TBC1D32: variants seen among roughly 807,000 people sequenced by gnomAD.
The protein encoded by TBC1D32 is TBC1 domain family member 32, also known as protein broad-minded.
Under a neutral mutation model 170.3 loss-of-function variants are expected in TBC1D32, and 151 were observed. The observed-to-expected ratio is 0.89, with a 90% CI of 0.78 to 1.01. The LOEUF is 1.01. TBC1D32 is among the 50% of genes least tolerant of loss of function. The pLI is 0.00. For synonymous variants in TBC1D32, 498 were observed against 488.0 expected (o/e 1.02, Z -0.27); for missense variants, 1,464 against 1,457.1 (o/e 1.00, Z -0.08).
At chr6:121,142,120 A>AG (rs569051745) in intron 24 of TBC1D32, among the ~76,000 whole-genome samples, 151 of 152,348 alleles carry the variant, frequency 9.9e-4, no homozygotes, top group African/African-American at 3.5e-3. Context: ...TCGCCAGCTT[A>AG]GGGGGGCTGC....
At chr6:121,161,938 G>A (rs1298290080) in intron 22 of TBC1D32, among the ~76,000 whole-genome samples, 1 of 152,134 alleles carries the variant, frequency 6.6e-6, no homozygotes, top group African/African-American at 2.4e-5. Flanking sequence ...GATCAGTGAT[G>A]TTAAACTTTT....
At chr6:121,243,430 T>C (rs1304445311) in intron 17 of TBC1D32, among the ~76,000 whole-genome samples, 1 of 152,086 alleles carries the variant, frequency 6.6e-6, no homozygotes, top group Non-Finnish European at 1.5e-5. Flanking sequence ...AAAAGTCCAA[T>C]AGGATGTTCA....
At chr6:121,211,659 T>C (rs947151799) in intron 21 of TBC1D32, among the ~76,000 whole-genome samples, 3 of 152,208 alleles carry the variant, frequency 2.0e-5, no homozygotes, top group East Asian at 1.9e-4. Flanking sequence ...TCCTTTATTA[T>C]GGCTGAGTAG....
intron 3 of TBC1D32, 75 bp from the exon 4 acceptor site, chr6:121,310,922 AT>A (rs768770728): frequency 3.8e-5 from 32 of 846,522 alleles, no homozygotes; most frequent in Non-Finnish European, 5.8e-5. Flanking sequence ...TTTTTTCAAT[AT>A]AATTCCAAGC....
intron 14 of TBC1D32, among the ~76,000 whole-genome samples, chr6:121,279,530 G>A (rs971215591): frequency 6.6e-6 from 1 of 151,796 alleles, no homozygotes; most frequent in African/African-American, 2.4e-5. Flanking sequence ...ATTCTGGTTG[G>A]CAAATGTAGT....
At chr6:121,132,312 C>T (rs1297867275) in intron 24 of TBC1D32, among the ~76,000 whole-genome samples, 1 of 151,972 alleles carries the variant, frequency 6.6e-6, no homozygotes, top group Non-Finnish European at 1.5e-5. Context: ...TCACGTTGAG[C>T]TTCGTGTTGT....
At chr6:121,103,351 T>C (rs1382585967) in intron 30 of TBC1D32, among the ~76,000 whole-genome samples, 1 of 151,832 alleles carries the variant, frequency 6.6e-6, no homozygotes, top group Non-Finnish European at 1.5e-5. Context: ...CCATCAATGA[T>C]AGACTCGATT....
At chr6:121,272,729 T>C (rs1213252973) in intron 15 of TBC1D32, among the ~76,000 whole-genome samples, 5 of 152,160 alleles carry the variant, frequency 3.3e-5, no homozygotes, top group Non-Finnish European at 7.3e-5. Context: ...GAACTAGAAA[T>C]ACCATTTGAC....
intron 10 of TBC1D32, among the ~76,000 whole-genome samples, chr6:121,297,978 G>T (rs912310420): frequency 7.2e-5 from 11 of 152,044 alleles, no homozygotes. Flanking sequence ...TCTTATACAA[G>T]AATCTCTTTT....
In TBC1D32 at chr6:121,085,279, A is replaced by ATATATATACATATATACATATATACG. The variant is rs1776101637; in HGVS notation, c.3655-4390_3655-4389insCGTATATATGTATATATGTATATATA. Reference sequence around the variant, plus strand: ...TATACACATATATACATATATACGTATATATATACATATATACATACATAT... The same window carrying ATATATATACATATATACATATATACG: ...TATACACATATATACATATATACGTATATATATACATATATACATATATACGTATATATACATATATACATACATAT... On this transcript the variant is annotated intron_variant, in intron 31 of 31. Coordinates refer to ENST00000398212, the MANE Select transcript of TBC1D32 (RefSeq NM_152730.6). Among the ~76,000 whole-genome samples, 19 of 137,652 alleles carry ATATATATACATATATACATATATACG rather than the reference A, an allele frequency of 1.4e-4. No homozygotes were observed. In the South Asian group the frequency reaches 4.1e-3, roughly 30 times the overall value. 90.3% of individuals were successfully genotyped at this position (137,652 alleles called of 152,430 possible). A position where few individuals can be genotyped will look rare whatever the true frequency, so the allele number is the denominator to read the frequency against.
At chr6:121,212,242 AC>A (rs1793161220) in intron 21 of TBC1D32, among the ~76,000 whole-genome samples, 1 of 151,972 alleles carries the variant, frequency 6.6e-6, no homozygotes, top group Non-Finnish European at 1.5e-5. Context: ...TAGCCTACCA[AC>A]CAAAAAAAGC....
intron 22 of TBC1D32, among the ~76,000 whole-genome samples, chr6:121,196,032 T>C (rs1009557502): frequency 6.6e-6 from 1 of 152,148 alleles, no homozygotes; most frequent in African/African-American, 2.4e-5. Flanking sequence ...GGAAGAAGTA[T>C]GTGGATGGAC....
intron 24 of TBC1D32, among the ~76,000 whole-genome samples, chr6:121,141,071 T>C (rs1304538383): frequency 6.6e-6 from 1 of 152,200 alleles, no homozygotes; most frequent in Non-Finnish European, 1.5e-5. Flanking sequence ...TACTGCCTAC[T>C]ACTTAAGGCA....
intron 21 of TBC1D32, among the ~76,000 whole-genome samples, chr6:121,218,044 C>T (rs1424359032): frequency 6.6e-6 from 1 of 152,134 alleles, no homozygotes; most frequent in Non-Finnish European, 1.5e-5. Flanking sequence ...GTGATTGTTC[C>T]AGATGCCCAT....
intron 30 of TBC1D32, among the ~76,000 whole-genome samples, chr6:121,103,288 T>C (rs1437273021): frequency 6.6e-6 from 1 of 152,094 alleles, no homozygotes; most frequent in Admixed American, 6.6e-5. Context: ...TGCACACGTA[T>C]GTTTATAGCG....
chr6:121,329,103 T>G (rs1810860156), intron 1 of TBC1D32, among the ~76,000 whole-genome samples: 2 of 152,220 alleles, frequency 1.3e-5, no homozygotes. Context: ...ACTGATTATT[T>G]GAAATTCTTC....
At chr6:121,257,034 A>G (rs1313862389) in intron 15 of TBC1D32, among the ~76,000 whole-genome samples, 1 of 152,132 alleles carries the variant, frequency 6.6e-6, no homozygotes, top group East Asian at 1.9e-4. Context: ...AATTTACACA[A>G]GTTCAATGGT....
chr6:121,096,557 A>G (rs1186379222), intron 30 of TBC1D32, among the ~76,000 whole-genome samples: 1 of 152,196 alleles, frequency 6.6e-6, no homozygotes, highest in Non-Finnish European at 1.5e-5. Flanking sequence ...GGACACAAAC[A>G]AATGGAAAAA....
In TBC1D32 at chr6:121,308,686, C is replaced by CTTTTTTTTTTTTTTTTTTTTT. The variant is rs67847088; in HGVS notation, c.565-586_565-585insAAAAAAAAAAAAAAAAAAAAA. Among the ~76,000 whole-genome samples, 5 of 112,540 alleles carry CTTTTTTTTTTTTTTTTTTTTT rather than the reference C, an allele frequency of 4.4e-5. 1 individual carries two copies. Among genetic ancestry groups the CTTTTTTTTTTTTTTTTTTTTT allele is most frequent in the African/African-American group, 1.5e-4 (4 of 25,830 alleles). The allele number at this position is 112,540 out of a possible 152,430, so 73.8% of individuals were successfully genotyped here. On this transcript the variant is annotated intron_variant, in intron 4 of 31. Transcript: ENST00000398212. ...CTGTATTTTCACAGAAAGCTTACTT[C>CTTTTTTTTTTTTTTTTTTTTT]TTTTTTTTTTTTTTTTTTTTGAGAC...
Sources: gnomAD v4.1 joint callset for allele counts (sites outside exome capture counted in the v4.1 genomes callset) on GRCh38, gnomAD v4.1.1 for gene constraint, MANE v1.5 for transcripts, NCBI Gene and HGNC (gene_info 2026-07-23, HGNC 2026-07-21) for gene names.